Variants in TPD52L1 observed in about 807,000 individuals in gnomAD.
TPD52L1 encodes the protein TPD52 like 1.
TPD52L1 carries 18 observed loss-of-function variants against 28.7 expected under a neutral mutation model. That is an observed-to-expected ratio of 0.63 (90% CI 0.43 to 0.93). The LOEUF is 0.93. TPD52L1 is among the 40% of genes least tolerant of loss of function. The pLI is 0.00. For synonymous variants in TPD52L1, 75 were observed against 88.8 expected (o/e 0.84, Z 0.88); for missense variants, 203 against 254.8 (o/e 0.80, Z 1.39).
chr6:125,173,203 C>T (rs1200943566), intron 1 of TPD52L1, among the ~76,000 whole-genome samples: 2 of 152,164 alleles, frequency 1.3e-5, no homozygotes, highest in Non-Finnish European at 2.9e-5. Context: ...GAAGAAAAGT[C>T]CAACTTCCTA....
rs1413751817 is a variant in TPD52L1, at chr6:125,255,155, G to GT, written c.425+1404dup. On this transcript the variant is annotated intron_variant, in intron 5 of 6. Transcript: ENST00000534000. ...AAGAAGGCTAGTAAAAATTAACATG[G>GT]TTTTCCCCTGTGAACCAGGAATTCA... Among the ~76,000 whole-genome samples, 10 of 152,126 alleles carry GT rather than the reference G, an allele frequency of 6.6e-5. No individual in the cohort carries two copies. In the East Asian group the frequency reaches 1.9e-3, roughly 29 times the overall value.
intron 1 of TPD52L1, among the ~76,000 whole-genome samples, chr6:125,166,190 G>A (rs1183468253): frequency 2.0e-5 from 3 of 152,162 alleles, no homozygotes; most frequent in Non-Finnish European, 4.4e-5. Flanking sequence ...GGTAGTGGGA[G>A]GAGATCTCTT....
intron 5 of TPD52L1, among the ~76,000 whole-genome samples, chr6:125,256,406 G>GGTAT (rs1264160637): frequency 1.3e-5 from 2 of 152,096 alleles, no homozygotes. Flanking sequence ...AGAACAAGTA[G>GGTAT]GTATATCTAT....
intron 1 of TPD52L1, among the ~76,000 whole-genome samples, chr6:125,200,531 G>T (rs1582914243): frequency 6.6e-6 from 1 of 152,116 alleles, no homozygotes; most frequent in East Asian, 1.9e-4. Context: ...GTAATACAGA[G>T]GAATATAAAA....
intron 1 of TPD52L1, among the ~76,000 whole-genome samples, chr6:125,211,261 G>GTCTATCTATCTA (rs58864276): frequency 0.013 from 1,953 of 148,952 alleles, 28 homozygotes; most frequent in Non-Finnish European, 0.017. Flanking sequence ...ATATGGATCT[G>GTCTATCTATCTA]TCTATCTATC....
chr6:125,186,821 A>G (rs777562699), intron 1 of TPD52L1, among the ~76,000 whole-genome samples: 1 of 152,240 alleles, frequency 6.6e-6, no homozygotes, highest in Non-Finnish European at 1.5e-5. Context: ...TTAATTTTAT[A>G]TAGATTAAAA....
intron 1 of TPD52L1, among the ~76,000 whole-genome samples, chr6:125,161,901 C>A (rs1474849582): frequency 6.6e-6 from 1 of 152,088 alleles, no homozygotes; most frequent in Non-Finnish European, 1.5e-5. Context: ...CTTGCACAAC[C>A]TGGGGTTGCC....
At chr6:125,207,514 T>C (rs1005765577) in intron 1 of TPD52L1, among the ~76,000 whole-genome samples, 22 of 152,208 alleles carry the variant, frequency 1.4e-4, no homozygotes, top group Non-Finnish European at 1.0e-4. Context: ...TCCATTCAAA[T>C]TTCTTAATAG....
chr6:125,156,757 A>G (rs1790165704), intron 1 of TPD52L1, among the ~76,000 whole-genome samples: 1 of 152,186 alleles, frequency 6.6e-6, no homozygotes, highest in Admixed American at 6.5e-5. Flanking sequence ...CGAGAGGGCA[A>G]GACTCTGTCT....
intron 1 of TPD52L1, among the ~76,000 whole-genome samples, chr6:125,163,362 A>G (rs1322653329): frequency 1.3e-5 from 2 of 152,128 alleles, no homozygotes; most frequent in East Asian, 3.9e-4. Flanking sequence ...CGGGAGGATC[A>G]CTTGAGCCCA....
At chr6:125,164,456 T>A (rs9385365) in intron 1 of TPD52L1, among the ~76,000 whole-genome samples, 151,907 of 152,316 alleles carry the variant, frequency 1, 75,750 homozygotes, top group Middle Eastern at 1. Flanking sequence ...AACAAAAGTC[T>A]GTTCAGATAT....
rs55761249 is a variant in TPD52L1 at position 125,202,766 on chromosome 6, C to CTTTTT, written c.20-17300_20-17296dup. On this transcript the variant is annotated intron_variant, in intron 1 of 6. Coordinates refer to ENST00000534000, the MANE Select transcript of TPD52L1 (RefSeq NM_003287.4). ...CTGAGTGTTACATTTGGAGGTTTATCTTTTTTTTTTTTTTTTGAGACGGAG... is the reference window on the plus strand; with the variant it reads ...CTGAGTGTTACATTTGGAGGTTTATCTTTTTTTTTTTTTTTTTTTTTGAGACGGAG... 2.3e-4 allele frequency among the ~76,000 whole-genome samples: 27 copies of CTTTTT among 116,418 alleles called. 1 individual carries two copies. Among genetic ancestry groups the CTTTTT allele is most frequent in the African/African-American group, 4.0e-4 (11 of 27,694 alleles). The allele number at this position is 116,418 out of a possible 152,430, so 76.4% of individuals were successfully genotyped here. A position where few individuals can be genotyped will look rare whatever the true frequency, so the allele number is the denominator to read the frequency against.
chr6:125,160,970 C>T (rs1171354388), intron 1 of TPD52L1, among the ~76,000 whole-genome samples: 1 of 127,862 alleles, frequency 7.8e-6, no homozygotes, highest in Non-Finnish European at 1.7e-5. Context: ...CTCCTGCCTC[C>T]GCTTCCTGAA....
At chr6:125,262,454 C>G (rs913755265) in intron 6 of TPD52L1, 1 of 157,938 alleles carries the variant, frequency 6.3e-6, no homozygotes, top group African/African-American at 2.4e-5. Flanking sequence ...GATGTTTATA[C>G]ATTTGTACAA....
chr6:125,247,726 T>C (rs1797008075), intron 3 of TPD52L1, among the ~76,000 whole-genome samples: 1 of 152,208 alleles, frequency 6.6e-6, no homozygotes, highest in Non-Finnish European at 1.5e-5. Flanking sequence ...TATATATTCC[T>C]AAAACTGTTT....
chr6:125,185,557 C>G (rs999305567), intron 1 of TPD52L1, among the ~76,000 whole-genome samples: 2 of 151,658 alleles, frequency 1.3e-5, no homozygotes, highest in Non-Finnish European at 2.9e-5. Context: ...AAATTCTGAA[C>G]TATCTAGAAA....
At chr6:125,185,932 C>T (rs59333343) in intron 1 of TPD52L1, among the ~76,000 whole-genome samples, 1,525 of 139,000 alleles carry the variant, frequency 0.011, 29 homozygotes, top group African/African-American at 0.04. Flanking sequence ...CTCACTCTGT[C>T]GCCCCAGCTA....
chr6:125,254,353 A>G (rs1455237477), intron 5 of TPD52L1, among the ~76,000 whole-genome samples: 2 of 152,258 alleles, frequency 1.3e-5, no homozygotes, highest in Non-Finnish European at 2.9e-5. Flanking sequence ...TTAAACTAAT[A>G]GCAAGACAGG....
chr6:125,192,715 C>T (rs1334463006), intron 1 of TPD52L1, among the ~76,000 whole-genome samples: 1 of 152,146 alleles, frequency 6.6e-6, no homozygotes, highest in African/African-American at 2.4e-5. Context: ...AAATACCAAC[C>T]AAGCACTTTG....
Sources: allele counts gnomAD v4.1 joint callset (sites outside exome capture counted in the v4.1 genomes callset), GRCh38; gene constraint gnomAD v4.1.1; transcripts MANE v1.5; gene names NCBI Gene and HGNC (gene_info 2026-07-23, HGNC 2026-07-21).